The following RBFOX1 variants were observed in gnomAD, a reference collection of about 807,000 sequenced individuals.
RBFOX1 encodes the protein RNA binding fox-1 homolog 1.
RBFOX1 carries 8 observed loss-of-function variants against 57.7 expected under a neutral mutation model. The ratio of observed to expected loss-of-function variants is 0.14; its 90% CI spans 0.08 to 0.25. The LOEUF is 0.25. Ranked by LOEUF, RBFOX1 falls within the 10% of genes least tolerant of loss-of-function variation. The pLI is 1.00. For missense variants in RBFOX1, 611 were observed against 548.5 expected, an observed-to-expected ratio of 1.11 and a Z score of -1.14; for synonymous variants, 326 against 222.4, an observed-to-expected ratio of 1.47 and a Z score of -4.15.
chr16:5,410,338 C>G (rs1307916044), intron 1 of RBFOX1, among the ~76,000 whole-genome samples: 1 of 151,126 alleles, frequency 6.6e-6, no homozygotes, highest in African/African-American at 2.4e-5. Context: ...GGCCACTGCA[C>G]TCTAGCCTGG....
intron 1 of RBFOX1, among the ~76,000 whole-genome samples, chr16:5,296,080 C>G (rs201043832): frequency 1.0e-5 from 1 of 95,380 alleles, no homozygotes; most frequent in Non-Finnish European, 2.9e-5. Context: ...CGCCCGGGTT[C>G]CCCCTGAGCT....
In RBFOX1 at chr16:5,956,639, A is replaced by AATATATATATATAT. The variant is rs1373907599; in HGVS notation, c.351+89309_351+89322dup. On this transcript the variant is annotated intron_variant, in intron 4 of 19. Coordinates refer to the RBFOX1 transcript ENST00000641259. ...ATTGGTAAATTCTTAGCAAAAAACA[A>AATATATATATATAT]ATATATATATATATATATTTATATA... Among the ~76,000 whole-genome samples the AATATATATATATAT allele has an allele frequency of 2.6e-3, 318 of 123,470 alleles. 1 individual carries two copies. Among genetic ancestry groups the AATATATATATATAT allele is most frequent in the African/African-American group, 8.8e-3 (289 of 32,788 alleles). The allele number at this position is 123,470 out of a possible 152,430, so 81.0% of individuals were successfully genotyped here.
intron 2 of RBFOX1, among the ~76,000 whole-genome samples, chr16:6,391,978 G>A (rs1414296071): frequency 2.6e-5 from 4 of 152,170 alleles, no homozygotes; most frequent in African/African-American, 4.8e-5. Context: ...GGCTGTAAAA[G>A]CTTTTGAAGA....
At chr16:7,125,350 A>C (rs2068234124) in intron 4 of RBFOX1, among the ~76,000 whole-genome samples, 1 of 152,190 alleles carries the variant, frequency 6.6e-6, no homozygotes. Flanking sequence ...CTACTTTTAG[A>C]TCCTCAGCAG....
At chr16:5,916,702 G>C (rs553852810) in intron 4 of RBFOX1, among the ~76,000 whole-genome samples, 18 of 152,232 alleles carry the variant, frequency 1.2e-4, no homozygotes, top group Admixed American at 1.0e-3. Context: ...TGTCAGGTGA[G>C]AAAGCTGCCG....
intron 3 of RBFOX1, among the ~76,000 whole-genome samples, chr16:5,709,185 G>C (rs1390428052): frequency 1.3e-5 from 2 of 152,200 alleles, no homozygotes; most frequent in Non-Finnish European, 2.9e-5. Context: ...GGGCTCCAGT[G>C]AGAGATAGAT....
At chr16:5,573,388 A>G (rs2046349530) in intron 2 of RBFOX1, among the ~76,000 whole-genome samples, 1 of 152,142 alleles carries the variant, frequency 6.6e-6, no homozygotes, top group African/African-American at 2.4e-5. Context: ...CTATGTCATG[A>G]TCACTTTTGG....
intron 1 of RBFOX1, among the ~76,000 whole-genome samples, chr16:6,066,287 C>T (rs1347717337): frequency 1.4e-5 from 1 of 71,094 alleles, no homozygotes; most frequent in African/African-American, 9.3e-5. Context: ...GAGCAAGACT[C>T]TGTCTCAAAA....
intron 3 of RBFOX1, among the ~76,000 whole-genome samples, chr16:6,937,490 G>T (rs2077575732): frequency 6.6e-6 from 1 of 152,082 alleles, no homozygotes; most frequent in African/African-American, 2.4e-5. Context: ...TTTATTCTGA[G>T]TGACATAGGA....
intron 4 of RBFOX1, among the ~76,000 whole-genome samples, chr16:7,432,319 C>T (rs367680617): frequency 1.3e-5 from 2 of 152,222 alleles, no homozygotes; most frequent in African/African-American, 2.4e-5. Flanking sequence ...GCACAAATAA[C>T]TCCCAGAGAG....
At chr16:5,776,133 C>T (rs927663165) in intron 3 of RBFOX1, among the ~76,000 whole-genome samples, 9 of 152,226 alleles carry the variant, frequency 5.9e-5, no homozygotes, top group African/African-American at 2.2e-4. Context: ...GTTCCCTTGG[C>T]ATTACAACGT....
chr16:7,559,901 C>G (rs144687828), intron 5 of RBFOX1, among the ~76,000 whole-genome samples: 133 of 152,324 alleles, frequency 8.7e-4, no homozygotes, highest in African/African-American at 3.1e-3. Context: ...AAATAGTTGT[C>G]TTTGGTCAAC....
intron 2 of RBFOX1, among the ~76,000 whole-genome samples, chr16:6,595,210 G>C (rs905403630): frequency 6.6e-6 from 1 of 151,954 alleles, no homozygotes; most frequent in Non-Finnish European, 1.5e-5. Flanking sequence ...CTCACACCCT[G>C]TACACCCTTA....
At chr16:5,781,868 A>C (rs2054333971) in intron 3 of RBFOX1, among the ~76,000 whole-genome samples, 1 of 152,222 alleles carries the variant, frequency 6.6e-6, no homozygotes, top group South Asian at 2.1e-4. Context: ...GTCTTAGTCC[A>C]TTGTGCTGCT....
chr16:6,361,396 G>A (rs1204614948), intron 2 of RBFOX1, among the ~76,000 whole-genome samples: 5 of 152,218 alleles, frequency 3.3e-5, no homozygotes, highest in African/African-American at 9.6e-5. Flanking sequence ...TTGGGAGGCC[G>A]AGGCGGGTGG....
intron 3 of RBFOX1, among the ~76,000 whole-genome samples, chr16:6,956,790 C>G (rs1183754079): frequency 1.2e-4 from 18 of 152,142 alleles, no homozygotes; most frequent in Admixed American, 1.0e-3. Flanking sequence ...CTTGGGGTAT[C>G]TCATGTGGTT....
chr16:5,835,294 C>T (rs1409239011), intron 3 of RBFOX1, among the ~76,000 whole-genome samples: 1 of 152,274 alleles, frequency 6.6e-6, no homozygotes, highest in South Asian at 2.1e-4. Context: ...ATGCGTCCCA[C>T]CACATGGGAG....
intron 2 of RBFOX1, among the ~76,000 whole-genome samples, chr16:6,429,054 G>C (rs1458308353): frequency 6.6e-6 from 1 of 152,202 alleles, no homozygotes; most frequent in Non-Finnish European, 1.5e-5. Context: ...AGGAGAAGGT[G>C]CGCCCCTCCC....
intron 2 of RBFOX1, among the ~76,000 whole-genome samples, chr16:6,419,965 C>G (rs2093729533): frequency 6.6e-6 from 1 of 152,144 alleles, no homozygotes; most frequent in Admixed American, 6.5e-5. Context: ...CCCTTCCCTT[C>G]TGGCCTGTCA....
Sources: gnomAD v4.1 joint callset for allele counts (sites outside exome capture counted in the v4.1 genomes callset) on GRCh38, gnomAD v4.1.1 for gene constraint, MANE v1.5 for transcripts, NCBI Gene and HGNC (gene_info 2026-07-23, HGNC 2026-07-21) for gene names.